Variants in TTC7A observed in about 807,000 individuals in gnomAD.
TTC7A encodes the protein tetratricopeptide repeat protein 7A.
Under a neutral mutation model 103.7 loss-of-function variants are expected in TTC7A, and 110 were observed. The ratio of observed to expected loss-of-function variants is 1.06; its 90% CI spans 0.91 to 1.24. The LOEUF is 1.24. Among genes scored for constraint, TTC7A ranks in the 50% most tolerant of loss-of-function variants. The pLI is 0.00. For synonymous variants in TTC7A, 521 were observed against 467.9 expected (o/e 1.11, Z -1.47); for missense variants, 1,340 against 1,116.3 (o/e 1.20, Z -2.86).
intron 11 of TTC7A, among the ~76,000 whole-genome samples, chr2:47,012,361 C>A (rs538620137): frequency 1.4e-4 from 21 of 152,340 alleles, no homozygotes; most frequent in African/African-American, 5.1e-4. Flanking sequence ...GGATATCAGG[C>A]CCTTCTCCAC....
intron 14 of TTC7A, 41 bp downstream of exon 14, chr2:47,024,400 T>TA: frequency 1.3e-6 from 2 of 1,557,010 alleles, no homozygotes; most frequent in Non-Finnish European, 1.7e-6. Flanking sequence ...CCTCGGGGGC[T>TA]GCTGATCTTC....
intron 16 of TTC7A, chr2:47,047,400 C>A: frequency 9.0e-7 from 1 of 1,114,800 alleles, no homozygotes; most frequent in Non-Finnish European, 1.3e-6. Context: ...CCTGGGAGAC[C>A]AGGGCAGAGG....
upstream of TTC7A, among the ~76,000 whole-genome samples, chr2:46,938,469 T>G (rs56213467): frequency 0.072 from 10,965 of 152,166 alleles, 743 homozygotes; most frequent in African/African-American, 0.17. Flanking sequence ...TCTTCTACTT[T>G]GTGACACTAT....
At chr2:46,937,221 T>C (rs1435147204), upstream of TTC7A, among the ~76,000 whole-genome samples, 1 of 152,150 alleles carries the variant, frequency 6.6e-6, no homozygotes, top group Admixed American at 6.5e-5. The surrounding 1 kb of genome is among the most constrained non-coding windows in gnomAD (Gnocchi z 4.0). Context: ...TACTTAAAAC[T>C]ATCTTTTAGA....
At chr2:47,018,220 T>C (rs1678880043) in intron 11 of TTC7A, among the ~76,000 whole-genome samples, 1 of 148,904 alleles carries the variant, frequency 6.7e-6, no homozygotes, top group South Asian at 2.1e-4. Flanking sequence ...GAGGTTGCAG[T>C]GAGCCAAGAT....
intron 15 of TTC7A, among the ~76,000 whole-genome samples, chr2:47,044,231 T>A (rs1480106106): frequency 1.3e-5 from 2 of 152,202 alleles, no homozygotes; most frequent in African/African-American, 4.8e-5. Context: ...AAGACCCCTT[T>A]CCTGTTTCTT....
upstream of TTC7A, among the ~76,000 whole-genome samples, chr2:46,937,754 G>A (rs1294701696): frequency 6.6e-6 from 1 of 152,176 alleles, no homozygotes; most frequent in East Asian, 1.9e-4. The surrounding 1 kb of genome is among the most constrained non-coding windows in gnomAD (Gnocchi z 4.0). Context: ...TGATTTCAAA[G>A]GCCATGGATT....
intron 2 of TTC7A, among the ~76,000 whole-genome samples, chr2:46,926,894 A>G (rs1355022167): frequency 6.6e-6 from 1 of 152,240 alleles, no homozygotes; most frequent in Admixed American, 6.5e-5. Flanking sequence ...AAATTTTCAC[A>G]TGGGAGCTAA....
intron 19 of TTC7A, chr2:47,065,997 C>G (rs2570516): frequency 1.3e-5 from 2 of 151,910 alleles, no homozygotes. Flanking sequence ...TCCAGGCTCT[C>G]CAGAACCTCT....
At chr2:47,012,234 G>T (rs1007601507) in intron 11 of TTC7A, among the ~76,000 whole-genome samples, 1 of 152,244 alleles carries the variant, frequency 6.6e-6, no homozygotes, top group Admixed American at 6.5e-5. Flanking sequence ...TTCCGACTGG[G>T]GGCCCACTTC....
chr2:46,968,669 A>G (rs1381329933), intron 3 of TTC7A, among the ~76,000 whole-genome samples: 2 of 152,118 alleles, frequency 1.3e-5, no homozygotes, highest in Non-Finnish European at 2.9e-5. Context: ...CGCCTCCGTG[A>G]ATGTACCCCT....
chr2:47,072,097 C>G (rs1230433759), intron 19 of TTC7A, among the ~76,000 whole-genome samples: 1 of 151,176 alleles, frequency 6.6e-6, no homozygotes, highest in Non-Finnish European at 1.5e-5. Context: ...GGGTCTGGCC[C>G]TTGGGTCTGG....
At chr2:46,966,725 C>G (rs898749810) in intron 3 of TTC7A, among the ~76,000 whole-genome samples, 1 of 148,214 alleles carries the variant, frequency 6.7e-6, no homozygotes, top group African/African-American at 2.5e-5. Context: ...CTCCTGGGCT[C>G]AAGCAATCCT....
chr2:47,040,542 A>G (rs1681622575), intron 15 of TTC7A: 1 of 152,254 alleles, frequency 6.6e-6, no homozygotes, highest in Non-Finnish European at 1.5e-5. Context: ...ATCTCCTTCC[A>G]TCGTCTTCCT....
rs200332198 is a variant in TTC7A at position 46,993,491 on chromosome 2, G to A, written c.806G>A (p.Arg269Gln). ...ATGAGAGAGCTCCGGGAGGTGCTGC[G>A]GACTGTGGAGACCAAAGCAACTCAG... is the stretch of plus-strand genomic sequence containing the variant. ...KGMRELREVL[R>Q]TVETKATQNF... Residue 269 changes from arginine to glutamine, a missense_variant, in exon 6 of 20, where the codon CGG (arginine) becomes CAG (glutamine). Transcript: ENST00000319190. 71 of 1,614,132 alleles carry A rather than the reference G, an allele frequency of 4.4e-5. No homozygotes were observed. The highest frequency in any genetic ancestry group is 2.0e-4 in the East Asian group (9 of 44,878).
rs146555613 is a variant in TTC7A at position 46,978,364 on chromosome 2, A to G, written c.649-428A>G. ...TCACCGGTGAAATAGAAATGATGAC[A>G]GTTCCTACCTAATAGAGCTGCTCTA... On this transcript the variant is annotated intron_variant, in intron 4 of 19. Transcript: ENST00000319190. The G allele has an allele frequency of 2.4e-3, 368 of 154,696 alleles. 2 individuals are homozygous for G. Among genetic ancestry groups the G allele is most frequent in the Admixed American group, 0.018 (286 of 15,576 alleles). 9.6% of individuals were successfully genotyped at this position (154,696 alleles called of 1,614,324 possible).
chr2:47,019,585 T>A (rs978399195), intron 11 of TTC7A, among the ~76,000 whole-genome samples: 1 of 152,144 alleles, frequency 6.6e-6, no homozygotes, highest in Non-Finnish European at 1.5e-5. Flanking sequence ...ATTAAGGATG[T>A]GTGTCTTCAC....
chr2:47,028,558 G>A (rs1047804101), intron 14 of TTC7A, among the ~76,000 whole-genome samples: 9 of 152,164 alleles, frequency 5.9e-5, no homozygotes, highest in Non-Finnish European at 1.3e-4. Context: ...GGGACCCATG[G>A]TGACCTCTGG....
chr2:46,972,948 A>G (rs1251143538), intron 3 of TTC7A, among the ~76,000 whole-genome samples: 1 of 152,178 alleles, frequency 6.6e-6, no homozygotes, highest in Non-Finnish European at 1.5e-5. Context: ...TTTTTCTTCT[A>G]ACAACTGGAA....
Sources: gnomAD v4.1 joint callset for allele counts (sites outside exome capture counted in the v4.1 genomes callset) on GRCh38, gnomAD v4.1.1 for gene constraint, Gnocchi (gnomAD v3.1) non-coding constraint, MANE v1.5 for transcripts, NCBI Gene and HGNC (gene_info 2026-07-23, HGNC 2026-07-21) for gene names.